The following CORIN variants were observed in gnomAD, a reference collection of about 807,000 sequenced individuals.
CORIN encodes the protein atrial natriuretic peptide-converting enzyme.
CORIN carries 117 observed loss-of-function variants against 125.3 expected under a neutral mutation model. That is an observed-to-expected ratio of 0.93 (90% confidence interval 0.80 to 1.09). The LOEUF (loss-of-function observed/expected upper bound fraction) is 1.09, where lower values mean the gene tolerates loss of function less well. Among genes scored for constraint, CORIN ranks in the 50% least tolerant of loss-of-function variants. The probability of loss-of-function intolerance (pLI) is 0.00; values close to 1 mark genes in which losing one functional copy is unlikely to be tolerated. For synonymous variants in CORIN, 450 were observed against 466.4 expected (o/e 0.96, Z 0.45); for missense variants, 1,253 against 1,306.7 (o/e 0.96, Z 0.63).
chr4:47,656,941 A>G (rs1448999152), intron 12 of CORIN, among the ~76,000 whole-genome samples: 1 of 152,240 alleles, frequency 6.6e-6, no homozygotes, highest in Non-Finnish European at 1.5e-5. Flanking sequence ...AAGTTGCAAG[A>G]TACAAAATCA....
At chr4:47,664,521 A>T (rs897557907) in intron 11 of CORIN, among the ~76,000 whole-genome samples, 19 of 152,206 alleles carry the variant, frequency 1.2e-4, no homozygotes, top group Admixed American at 6.6e-5. Context: ...CTCATATTCA[A>T]AGTCCAAGCT....
chr4:47,783,773 G>T (rs1730658240), intron 3 of CORIN, among the ~76,000 whole-genome samples: 1 of 151,954 alleles, frequency 6.6e-6, no homozygotes, highest in South Asian at 2.1e-4. Context: ...GGCACTTCTA[G>T]CAAAAGTGAT....
At chr4:47,714,510 G>A (rs1346867251) in intron 5 of CORIN, among the ~76,000 whole-genome samples, 2 of 152,164 alleles carry the variant, frequency 1.3e-5, no homozygotes, top group Non-Finnish European at 2.9e-5. Context: ...GAAACTAGAG[G>A]TAGAACTGGA....
intron 16 of CORIN, among the ~76,000 whole-genome samples, chr4:47,635,383 C>T (rs1046030079): frequency 2.6e-5 from 4 of 152,190 alleles, no homozygotes; most frequent in African/African-American, 9.7e-5. Context: ...GAGTTACATG[C>T]TGAGACTGAA....
chr4:47,653,470 A>C, intron 13 of CORIN, 83 bp downstream of exon 13: 1 of 1,066,072 alleles, frequency 9.4e-7, no homozygotes, highest in Non-Finnish European at 1.4e-6. Context: ...CTATCAGTGA[A>C]TAGTTTCCAT....
At chr4:47,814,150 A>T (rs2109963407) in intron 1 of CORIN, among the ~76,000 whole-genome samples, 1 of 152,326 alleles carries the variant, frequency 6.6e-6, no homozygotes, top group Admixed American at 6.5e-5. Flanking sequence ...CTTCCATTTC[A>T]GCAAAGCAAG....
intron 16 of CORIN, among the ~76,000 whole-genome samples, chr4:47,638,475 CCAA>C (rs1723112572): frequency 6.6e-6 from 1 of 152,178 alleles, no homozygotes; most frequent in Non-Finnish European, 1.5e-5. Flanking sequence ...TGGGAGGAAA[CCAA>C]TGGGAGGTGA....
At chr4:47,696,003 C>T (rs905583851) in intron 5 of CORIN, among the ~76,000 whole-genome samples, 2 of 152,108 alleles carry the variant, frequency 1.3e-5, no homozygotes, top group East Asian at 1.9e-4. Context: ...ATAGTGTAGT[C>T]GGCTGATACT....
At chr4:47,623,100 A>C (rs186960836) in intron 19 of CORIN, among the ~76,000 whole-genome samples, 10,225 of 77,340 alleles carry the variant, frequency 0.13, 441 homozygotes, top group Middle Eastern at 0.16. Flanking sequence ...CTCTCTCTAT[A>C]TATATATATA....
At chr4:47,736,363 T>G (rs535858705) in intron 5 of CORIN, among the ~76,000 whole-genome samples, 149 of 152,286 alleles carry the variant, frequency 9.8e-4, no homozygotes, top group African/African-American at 3.6e-3. Context: ...CAAGTACAAC[T>G]AGAAAAGCCA....
chr4:47,666,544 A>G (rs1724492194), intron 10 of CORIN, among the ~76,000 whole-genome samples: 1 of 152,212 alleles, frequency 6.6e-6, no homozygotes, highest in South Asian at 2.1e-4. Flanking sequence ...ACATTTGTGT[A>G]TCTCCATTCA....
intron 5 of CORIN, among the ~76,000 whole-genome samples, chr4:47,721,559 G>T (rs1330437807): frequency 6.6e-6 from 1 of 152,202 alleles, no homozygotes; most frequent in Non-Finnish European, 1.5e-5. Flanking sequence ...GTGAGCCACT[G>T]CACCCAGCCC....
chr4:47,789,022 G>T (rs1480590972), intron 2 of CORIN, among the ~76,000 whole-genome samples: 2 of 151,954 alleles, frequency 1.3e-5, no homozygotes, highest in African/African-American at 4.8e-5. Flanking sequence ...ATAACATCTG[G>T]CTGGGCACAG....
At chr4:47,781,807 A>T (rs1245712692) in intron 3 of CORIN, among the ~76,000 whole-genome samples, 1 of 151,746 alleles carries the variant, frequency 6.6e-6, no homozygotes, top group Non-Finnish European at 1.5e-5. Context: ...GCATGGTGGC[A>T]TGCGCCTGTA....
intron 19 of CORIN, among the ~76,000 whole-genome samples, chr4:47,622,241 G>T (rs111490583): frequency 6.6e-6 from 1 of 151,868 alleles, no homozygotes; most frequent in Admixed American, 6.6e-5. Flanking sequence ...TCTTAATCCA[G>T]TCTATCATTG....
At chr4:47,829,157 C>CAAAAA (rs35771383) in intron 1 of CORIN, among the ~76,000 whole-genome samples, 7 of 64,276 alleles carry the variant, frequency 1.1e-4, no homozygotes, top group South Asian at 8.0e-4. Flanking sequence ...GACTCCGTCT[C>CAAAAA]AAAAAAAAAA....
chr4:47,625,955 T>A (rs1722540426), intron 17 of CORIN, among the ~76,000 whole-genome samples: 1 of 152,220 alleles, frequency 6.6e-6, no homozygotes, highest in African/African-American at 2.4e-5. Flanking sequence ...GCAATGATTT[T>A]TTAGGGTAAA....
chr4:47,625,524 G>A (rs1722519532), intron 17 of CORIN, among the ~76,000 whole-genome samples: 1 of 152,148 alleles, frequency 6.6e-6, no homozygotes, highest in Non-Finnish European at 1.5e-5. Flanking sequence ...CATTGTTTTA[G>A]AGGAAGTACT....
chr4:47,768,372 G>A (rs888583302), intron 3 of CORIN, among the ~76,000 whole-genome samples: 2 of 152,136 alleles, frequency 1.3e-5, no homozygotes, highest in Middle Eastern at 3.2e-3. Context: ...AGGACCTGAC[G>A]TCTTCACTAT....
Sources: allele counts gnomAD v4.1 joint callset (sites outside exome capture counted in the v4.1 genomes callset), GRCh38; gene constraint gnomAD v4.1.1; transcripts MANE v1.5; gene names NCBI Gene and HGNC (gene_info 2026-07-23, HGNC 2026-07-21).